The following RNF220 variants were observed in gnomAD, a reference collection of about 807,000 sequenced individuals.
RNF220 encodes the protein E3 ubiquitin-protein ligase RNF220.
A neutral mutation model predicts 67.1 loss-of-function variants in RNF220; 7 were observed. The ratio of observed to expected loss-of-function variants is 0.10; its 90% CI spans 0.06 to 0.20. The LOEUF (loss-of-function observed/expected upper bound fraction) is 0.20. Among genes scored for constraint, RNF220 ranks in the 10% least tolerant of loss-of-function variants. The pLI is 1.00. For synonymous variants in RNF220, 270 were observed against 283.2 expected (o/e 0.95, Z 0.47); for missense variants, 565 against 740.3 (o/e 0.76, Z 2.75).
intron 2 of RNF220, among the ~76,000 whole-genome samples, chr1:44,551,176 A>G (rs971703158): frequency 1.3e-4 from 17 of 129,690 alleles, no homozygotes; most frequent in Non-Finnish European, 2.5e-4. Context: ...GTGCAATGGC[A>G]TGATCCTGAC....
chr1:44,550,285 T>C lies in RNF220; in HGVS notation c.626-63880T>C, dbSNP rs535736752. Among the ~76,000 whole-genome samples the C allele has an allele frequency of 7.4e-4, 112 of 152,278 alleles. 1 individual carries two copies. In the South Asian group the frequency reaches 0.022, roughly 30 times the overall value. ...GCCCAGATGACCCAGACTTGACCTCTCTACTGCAACCAAGAGAGGCAGGTG... is the reference window on the plus strand; with the variant it reads ...GCCCAGATGACCCAGACTTGACCTCCCTACTGCAACCAAGAGAGGCAGGTG... On this transcript the variant is annotated intron_variant, in intron 2 of 14. Transcript: ENST00000361799.
At chr1:44,529,499 C>T (rs375169705) in intron 2 of RNF220, among the ~76,000 whole-genome samples, 3 of 152,026 alleles carry the variant, frequency 2.0e-5, no homozygotes, top group East Asian at 1.9e-4. Flanking sequence ...CTCAGCCACT[C>T]GAGTAGCTGG....
chr1:44,458,493 T>C (rs889974631), intron 2 of RNF220, among the ~76,000 whole-genome samples: 2 of 152,142 alleles, frequency 1.3e-5, no homozygotes, highest in African/African-American at 4.8e-5. Context: ...AGAGAGTTAT[T>C]GTGAGGATGA....
At chr1:44,443,373 T>C (rs534091885) in intron 2 of RNF220, among the ~76,000 whole-genome samples, 1 of 152,376 alleles carries the variant, frequency 6.6e-6, no homozygotes, top group South Asian at 2.1e-4. Context: ...CCCTACTTCT[T>C]TTCCCATAGT....
chr1:44,598,201 T>C (rs977661245), intron 2 of RNF220, among the ~76,000 whole-genome samples: 1 of 151,868 alleles, frequency 6.6e-6, no homozygotes. Context: ...AAGCCCAGAG[T>C]CCTCAGTTAT....
At chr1:44,450,263 C>G (rs1652536019) in intron 2 of RNF220, among the ~76,000 whole-genome samples, 2 of 152,028 alleles carry the variant, frequency 1.3e-5, no homozygotes, top group Admixed American at 6.6e-5. Flanking sequence ...AACCAGTGCC[C>G]TTGCGAAGCC....
rs999385633 is a variant in RNF220 at position 44,484,201 on chromosome 1, G to A, written c.625+71479G>A. ...GTGCCTTTGGAATTCAGGTTGAGCC[G>A]TCCCCTAGGGTTCAGGATCCCCCTG... is the stretch of plus-strand genomic sequence containing the variant. On this transcript the variant is annotated intron_variant, in intron 2 of 14. Transcript: ENST00000361799. 3.9e-5 allele frequency among the ~76,000 whole-genome samples: 6 copies of A among 152,200 alleles called. No homozygotes were observed. The East Asian group carries it at 7.7e-4, about 20-fold the overall frequency.
chr1:44,493,929 AG>A (rs1657084796), intron 2 of RNF220, among the ~76,000 whole-genome samples: 1 of 152,172 alleles, frequency 6.6e-6, no homozygotes. Flanking sequence ...AAAATGGCCC[AG>A]GCACGGTAGT....
intron 2 of RNF220, among the ~76,000 whole-genome samples, chr1:44,459,278 A>G (rs1653517764): frequency 6.6e-6 from 1 of 152,006 alleles, no homozygotes; most frequent in South Asian, 2.1e-4. Context: ...TCTATTGAGT[A>G]ATCCAGCACT....
intron 2 of RNF220, among the ~76,000 whole-genome samples, chr1:44,438,385 A>G (rs1406665777): frequency 6.6e-6 from 1 of 152,184 alleles, no homozygotes; most frequent in Non-Finnish European, 1.5e-5. Flanking sequence ...GACCTCCCAA[A>G]GTGCTGGGAT....
At chr1:44,430,630 C>T (rs1199684645) in intron 2 of RNF220, among the ~76,000 whole-genome samples, 1 of 152,192 alleles carries the variant, frequency 6.6e-6, no homozygotes, top group Non-Finnish European at 1.5e-5. Flanking sequence ...ACTGCAACCT[C>T]CGCCTCCTGG....
chr1:44,559,557 C>T (rs1406496818), intron 2 of RNF220, among the ~76,000 whole-genome samples: 1 of 152,238 alleles, frequency 6.6e-6, no homozygotes. Flanking sequence ...TCAGGCTGCG[C>T]TCCAGCGGTG....
chr1:44,602,075 G>A (rs1666961258), intron 2 of RNF220, among the ~76,000 whole-genome samples: 1 of 152,106 alleles, frequency 6.6e-6, no homozygotes, highest in Non-Finnish European at 1.5e-5. Flanking sequence ...TCTTTGAGAG[G>A]GCTTGGGGGA....
chr1:44,482,698 T>C (rs1655927649), intron 2 of RNF220, among the ~76,000 whole-genome samples: 1 of 152,094 alleles, frequency 6.6e-6, no homozygotes, highest in South Asian at 2.1e-4. Flanking sequence ...CTCAGCTCAC[T>C]GCAACCTCTG....
Position 44,645,458 on chromosome 1 carries a change from A to G in RNF220, c.1415A>G (p.Gln472Arg). The G allele has an allele frequency of 6.2e-7, 1 of 1,614,124 alleles. No homozygotes were observed. The highest frequency in any genetic ancestry group is 8.5e-7 in the Non-Finnish European group (1 of 1,180,004). ...NGESSKQEAM[Q>R]KTCKNSDIEK... ...GAAAGCAGCAAGCAGGAGGCCATGCAGAAGACCTGCAAGAACAGCGACATC... is the reference window on the plus strand; with the variant it reads ...GAAAGCAGCAAGCAGGAGGCCATGCGGAAGACCTGCAAGAACAGCGACATC... Residue 472 changes from glutamine (Q) to arginine (R), a missense_variant, in exon 12 of 15, where the codon CAG becomes CGG. Coordinates refer to ENST00000361799, the MANE Select transcript of RNF220 (RefSeq NM_018150.4). This position sits in a 1 kb window ranked among gnomAD's most constrained non-coding sequence, Gnocchi z 5.0.
intron 3 of RNF220, among the ~76,000 whole-genome samples, chr1:44,616,969 T>TC (rs1023630926): frequency 3.7e-4 from 56 of 152,152 alleles, no homozygotes; most frequent in African/African-American, 1.2e-3. Context: ...AACCCCCTTA[T>TC]CCCTCACATC....
Position 44,417,219 on chromosome 1 carries a change from CCT to C in RNF220, c.625+4498_625+4499del, listed in dbSNP as rs972850196. ...CTTCCCTCTGTCCTGACTGCCCAGA[CCT>C]AGCCTGACTCTCCCTCAGCTGCTCC... On this transcript the variant is annotated intron_variant, in intron 2 of 14. Coordinates refer to ENST00000361799, the MANE Select transcript of RNF220 (RefSeq NM_018150.4). This position sits in a 1 kb window ranked among gnomAD's most constrained non-coding sequence, Gnocchi z 4.0. Among the ~76,000 whole-genome samples the C allele has an allele frequency of 5.9e-5, 9 of 152,188 alleles. No homozygotes were observed. In the South Asian group the frequency reaches 8.3e-4, roughly 14 times the overall value.
At chr1:44,618,719 G>C (rs1223244639) in intron 3 of RNF220, among the ~76,000 whole-genome samples, 1 of 152,174 alleles carries the variant, frequency 6.6e-6, no homozygotes, top group East Asian at 1.9e-4. Context: ...ATGGTTGCAA[G>C]GCCAGTGTGG....
At chr1:44,429,122 T>G (rs1650087985) in intron 2 of RNF220, among the ~76,000 whole-genome samples, 1 of 152,062 alleles carries the variant, frequency 6.6e-6, no homozygotes, top group African/African-American at 2.4e-5. Context: ...GTGGATTTTT[T>G]TTTTCTTTCC....
Sources: gnomAD v4.1 joint callset for allele counts (sites outside exome capture counted in the v4.1 genomes callset) on GRCh38, gnomAD v4.1.1 for gene constraint, Gnocchi (gnomAD v3.1) non-coding constraint, MANE v1.5 for transcripts, NCBI Gene and HGNC (gene_info 2026-07-23, HGNC 2026-07-21) for gene names.